The following ZNF516 variants were observed in gnomAD, a reference collection of about 807,000 sequenced individuals.
ZNF516 encodes zinc finger protein 516.
A neutral mutation model predicts 79.7 loss-of-function variants in ZNF516; 19 were observed. The ratio of observed to expected loss-of-function variants is 0.24; its 90% CI spans 0.17 to 0.35. The LOEUF (loss-of-function observed/expected upper bound fraction) is 0.35, where lower values mean the gene tolerates loss of function less well. Among genes scored for constraint, ZNF516 ranks in the 10% least tolerant of loss-of-function variants. The pLI, the probability that ZNF516 is intolerant of heterozygous loss-of-function variation, is 1.00. For missense variants in ZNF516, 1,678 were observed against 1,679.5 expected (o/e 1.00, Z 0.02); for synonymous variants, 877 against 739.5 (o/e 1.19, Z -3.02).
intron 1 of ZNF516, among the ~76,000 whole-genome samples, chr18:76,483,370 G>C (rs945454824): frequency 7.9e-5 from 12 of 152,112 alleles, no homozygotes; most frequent in African/African-American, 2.7e-4. Flanking sequence ...TTGTCCCCTG[G>C]CACCAAAGCT....
intron 2 of ZNF516, among the ~76,000 whole-genome samples, chr18:76,443,786 G>A (rs938178740): frequency 4.6e-5 from 7 of 152,226 alleles, no homozygotes; most frequent in Non-Finnish European, 1.0e-4. Context: ...ACACCCGCAA[G>A]ATGGCACAGC....
At position 76,492,298 on chromosome 18, in the gene ZNF516, A is replaced by G. The variant is rs913170247; in HGVS notation, c.-272+2846T>C. 4.1e-6 allele frequency: 4 copies of G among 985,372 alleles called. No individual in the cohort carries two copies. In the African/African-American group the frequency reaches 5.2e-5, roughly 13 times the overall value. The allele number at this position is 985,372 out of a possible 1,614,324, so 61.0% of individuals were successfully genotyped here. A position where few individuals can be genotyped will look rare whatever the true frequency, so the allele number is the denominator to read the frequency against. Reference sequence around the variant, plus strand: ...GGTGCGTACTACGCGAGCCACACACATCACTACCGATATTCCTGAGAAAGT... The same window carrying G: ...GGTGCGTACTACGCGAGCCACACACGTCACTACCGATATTCCTGAGAAAGT... On this transcript the variant is annotated intron_variant, in intron 1 of 6. Transcript: ENST00000443185.
intron 1 of ZNF516, among the ~76,000 whole-genome samples, chr18:76,479,164 G>A (rs1276212597): frequency 2.0e-5 from 3 of 152,122 alleles, no homozygotes; most frequent in African/African-American, 7.2e-5. Flanking sequence ...AAGTCCATTG[G>A]TGCGATCTTA....
At chr18:76,367,279 G>C (rs919532485) in intron 6 of ZNF516, among the ~76,000 whole-genome samples, 2 of 152,148 alleles carry the variant, frequency 1.3e-5, no homozygotes, top group Admixed American at 6.5e-5. Flanking sequence ...TGCCAGCTCA[G>C]GCCACCTTAT....
chr18:76,450,257 A>T (rs941340308), intron 2 of ZNF516, among the ~76,000 whole-genome samples: 2 of 152,098 alleles, frequency 1.3e-5, no homozygotes, highest in Non-Finnish European at 2.9e-5. Context: ...AGTTAAAAAA[A>T]TAAATCCTAC....
chr18:76,495,145 T>G lies in ZNF516; in HGVS notation c.-273A>C, dbSNP rs1266436010. 6.7e-6 allele frequency: 1 copy of G among 148,948 alleles called. No homozygotes were observed. The highest frequency in any genetic ancestry group is 1.5e-5 in the Non-Finnish European group (1 of 66,946). The allele number at this position is 148,948 out of a possible 1,614,324, so 9.2% of individuals were successfully genotyped here. The stretch of plus-strand genomic sequence containing the variant: ...CCTCCCCCCGCCCGCGGCCCCTACC[T>G]TGGCAGGGAGGCGGCGGGCCTGGGG... On this transcript the variant is annotated splice_region_variant and 5_prime_UTR_variant, in exon 1 of 7. Coordinates refer to ENST00000443185, the MANE Select transcript of ZNF516 (RefSeq NM_014643.4).
chr18:76,397,327 A>G lies in ZNF516; in HGVS notation c.1811-17024T>C, dbSNP rs543680560. Among the ~76,000 whole-genome samples, 5 of 152,316 alleles carry G rather than the reference A, an allele frequency of 3.3e-5. No homozygotes were observed. The South Asian group carries it at 1.0e-3, about 32-fold the overall frequency. ...AAGTTTCTTCTAAAGAAATGTCTTC[A>G]AGAATGATTCTTATCATGACACATA... On this transcript the variant is annotated intron_variant, in intron 3 of 6. Transcript: ENST00000443185.
chr18:76,423,884 T>C (rs1486175156), intron 3 of ZNF516, among the ~76,000 whole-genome samples: 5 of 89,898 alleles, frequency 5.6e-5, no homozygotes, highest in East Asian at 3.1e-4. Context: ...GTGAAAAGGT[T>C]CCCCCGAAAC....
chr18:76,480,476 CACACACACATATACACAT>C (rs1468395069), intron 1 of ZNF516, among the ~76,000 whole-genome samples: 14 of 144,688 alleles, frequency 9.7e-5, no homozygotes, highest in Admixed American at 4.9e-4. Flanking sequence ...CATATATATA[CACACACACATATACACAT>C]ACACACACAC....
At chr18:76,445,727 G>A (rs530940661) in intron 2 of ZNF516, among the ~76,000 whole-genome samples, 54 of 152,314 alleles carry the variant, frequency 3.5e-4, no homozygotes, top group African/African-American at 1.3e-3. Context: ...TCTCCAGTTC[G>A]AGAGAATTCA....
intron 3 of ZNF516, among the ~76,000 whole-genome samples, chr18:76,407,064 A>C (rs1020446485): frequency 6.6e-6 from 1 of 152,160 alleles, no homozygotes; most frequent in African/African-American, 2.4e-5. Flanking sequence ...ACAGGTTAGA[A>C]CGGCTCTGGA....
intron 2 of ZNF516, among the ~76,000 whole-genome samples, chr18:76,447,066 T>C (rs185663391): frequency 1.3e-5 from 2 of 152,310 alleles, no homozygotes; most frequent in East Asian, 3.9e-4. Flanking sequence ...ATTAATTCCC[T>C]GCAACGAACT....
At position 76,359,229 on chromosome 18, in the gene ZNF516, A is replaced by G. The variant is rs983734584; in HGVS notation, c.*3269T>C. On this transcript the variant is annotated 3_prime_UTR_variant, in exon 7 of 7. Coordinates refer to ENST00000443185, the MANE Select transcript of ZNF516 (RefSeq NM_014643.4). ...GTGTCTTTCTTGGTTTAAAAAATAA[A>G]TAAGTAAATATTGGGGGACCTCTTA... 1 of 152,216 alleles carries G rather than the reference A, an allele frequency of 6.6e-6. No individual in the cohort carries two copies. Among genetic ancestry groups the G allele is most frequent in the Admixed American group, 6.5e-5 (1 of 15,280 alleles). 9.4% of individuals were successfully genotyped at this position (152,216 alleles called of 1,614,324 possible).
chr18:76,406,783 C>T lies in ZNF516; in HGVS notation c.1811-26480G>A, dbSNP rs2075309735. Among the ~76,000 whole-genome samples, 3 of 152,206 alleles carry T rather than the reference C, an allele frequency of 2.0e-5. No individual in the cohort carries two copies. The South Asian group carries it at 6.2e-4, about 32-fold the overall frequency. On this transcript the variant is annotated intron_variant, in intron 3 of 6. Coordinates refer to ENST00000443185, the MANE Select transcript of ZNF516 (RefSeq NM_014643.4). ...ATTACCCTCTTTCTCACCATCACAGCAGGAAGTCCCCACAGAATCCACTGA... is the reference window on the plus strand; with the variant it reads ...ATTACCCTCTTTCTCACCATCACAGTAGGAAGTCCCCACAGAATCCACTGA...
chr18:76,374,414 A>G (rs976550957), intron 4 of ZNF516, among the ~76,000 whole-genome samples: 1 of 152,192 alleles, frequency 6.6e-6, no homozygotes, highest in Non-Finnish European at 1.5e-5. Flanking sequence ...TTTTCTTCTT[A>G]AATGGTCAGG....
chr18:76,492,830 G>T, intron 1 of ZNF516: 1 of 985,984 alleles, frequency 1.0e-6, no homozygotes, highest in East Asian at 1.1e-4. Flanking sequence ...GCGCTCCGTG[G>T]GGGCTGCTGC....
intron 3 of ZNF516, among the ~76,000 whole-genome samples, chr18:76,384,527 CACGAACCCCACGCCCCCTCT>C (rs2074951146): frequency 1.4e-5 from 2 of 143,888 alleles, no homozygotes; most frequent in Non-Finnish European, 3.1e-5. Flanking sequence ...ACGCCCCCTC[CACGAACCCCACGCCCCCTCT>C]GTGGTTCCAC....
At chr18:76,470,964 A>T (rs530225604) in intron 1 of ZNF516, among the ~76,000 whole-genome samples, 1 of 152,344 alleles carries the variant, frequency 6.6e-6, no homozygotes, top group South Asian at 2.1e-4. Flanking sequence ...CTGATTTTTT[A>T]AATTTCTTTT....
rs12965741 is a variant in ZNF516 at position 76,459,154 on chromosome 18, G to A, written c.-158+3874C>T. Among the ~76,000 whole-genome samples the A allele has an allele frequency of 0.022, 3,395 of 152,326 alleles. 48 individuals are homozygous for A. The highest frequency in any genetic ancestry group is 0.034 in the Middle Eastern group (10 of 294). ...GTGCCTGGATTACCAGCTTCGCACAGAGCCAGACGCTGCAGCAGTAACGGG... is the reference window on the plus strand; with the variant it reads ...GTGCCTGGATTACCAGCTTCGCACAAAGCCAGACGCTGCAGCAGTAACGGG... On this transcript the variant is annotated intron_variant, in intron 2 of 6. Coordinates refer to ENST00000443185, the MANE Select transcript of ZNF516 (RefSeq NM_014643.4). The surrounding 1 kb of genome is among the most constrained non-coding windows in gnomAD (Gnocchi z 5.0).
Sources: gnomAD v4.1 joint callset for allele counts (sites outside exome capture counted in the v4.1 genomes callset) on GRCh38, gnomAD v4.1.1 for gene constraint, Gnocchi (gnomAD v3.1) non-coding constraint, MANE v1.5 for transcripts, NCBI Gene and HGNC (gene_info 2026-07-23, HGNC 2026-07-21) for gene names.